The following TCF12 variants were observed in gnomAD, a reference collection of about 807,000 sequenced individuals.
TCF12 encodes transcription factor 12, also known as DNA-binding protein HTF4.
In TCF12, 45 loss-of-function variants were observed where a neutral mutation model predicts 86.0. That is an observed-to-expected ratio of 0.52 (90% CI 0.41 to 0.67). The LOEUF is 0.67. Among genes scored for constraint, TCF12 ranks in the 30% least tolerant of loss-of-function variants. The probability of loss-of-function intolerance (pLI) is 0.00; values close to 1 mark genes in which losing one functional copy is unlikely to be tolerated. For missense variants in TCF12, 881 were observed against 859.9 expected, an observed-to-expected ratio of 1.02 and a Z score of -0.31; for synonymous variants, 330 against 299.6, an observed-to-expected ratio of 1.10 and a Z score of -1.05.
chr15:57,043,239 A>G (rs760024612), intron 3 of TCF12, among the ~76,000 whole-genome samples: 8 of 152,198 alleles, frequency 5.3e-5, no homozygotes, highest in Non-Finnish European at 7.3e-5. Context: ...TCATATTTCA[A>G]TAAACATGGG....
At chr15:57,094,921 A>G (rs1262519789) in intron 5 of TCF12, among the ~76,000 whole-genome samples, 1 of 152,198 alleles carries the variant, frequency 6.6e-6, no homozygotes, top group African/African-American at 2.4e-5. Flanking sequence ...TACTTTAATG[A>G]TTTTGTACAT....
rs2057041826 is a variant in TCF12 at position 57,192,579 on chromosome 15, G to C, written c.526+286G>C. Among the ~76,000 whole-genome samples, 3 of 152,118 alleles carry C rather than the reference G, an allele frequency of 2.0e-5. 1 individual carries two copies. The highest frequency in any genetic ancestry group is 3.4e-3 in the Middle Eastern group (1 of 294). On this transcript the variant is annotated intron_variant, in intron 7 of 20. Coordinates refer to ENST00000333725, the MANE Select transcript of TCF12 (RefSeq NM_207037.2). ...AGTTTTTTATTTTTTGTAGAGACAG[G>C]GTTTTGCCATGTTGTCCAGGCTGCT...
intron 13 of TCF12, among the ~76,000 whole-genome samples, chr15:57,245,955 C>G (rs2059838846): frequency 6.6e-6 from 1 of 151,682 alleles, no homozygotes; most frequent in South Asian, 2.1e-4. Flanking sequence ...CCACCCATAG[C>G]AGGGCAGAGA....
At chr15:57,218,866 G>A (rs1410384509) in intron 8 of TCF12, among the ~76,000 whole-genome samples, 1 of 152,052 alleles carries the variant, frequency 6.6e-6, no homozygotes, top group Non-Finnish European at 1.5e-5. Flanking sequence ...CATAATTTTT[G>A]TAGCTTAAAG....
intron 3 of TCF12, among the ~76,000 whole-genome samples, chr15:57,056,025 C>G (rs927878388): frequency 8.6e-5 from 13 of 151,932 alleles, no homozygotes; most frequent in Non-Finnish European, 1.6e-4. Context: ...GATCTCTCAT[C>G]ACGTTCACTT....
At chr15:57,135,447 G>A (rs1355409110) in intron 5 of TCF12, among the ~76,000 whole-genome samples, 1 of 152,082 alleles carries the variant, frequency 6.6e-6, no homozygotes, top group African/African-American at 2.4e-5. Context: ...TACTGCTTTT[G>A]TCTTTACGGT....
intron 3 of TCF12, among the ~76,000 whole-genome samples, chr15:56,955,870 C>T (rs1304204998): frequency 1.3e-5 from 2 of 152,030 alleles, no homozygotes; most frequent in Admixed American, 1.3e-4. Flanking sequence ...TTGTATTTAT[C>T]CTTGCAGTTT....
intron 3 of TCF12, among the ~76,000 whole-genome samples, chr15:56,965,740 G>A (rs971881616): frequency 1.3e-5 from 2 of 151,940 alleles, no homozygotes; most frequent in African/African-American, 2.4e-5. Flanking sequence ...AAAACTTTAG[G>A]GATATTCCCC....
chr15:57,284,279 C>T (rs1177781075), intron 20 of TCF12, among the ~76,000 whole-genome samples: 1 of 152,110 alleles, frequency 6.6e-6, no homozygotes, highest in South Asian at 2.1e-4. Context: ...ATCATCTCGG[C>T]TCACTCCAAC....
At chr15:57,106,069 G>T (rs981084989) in intron 5 of TCF12, among the ~76,000 whole-genome samples, 4 of 152,174 alleles carry the variant, frequency 2.6e-5, no homozygotes, top group Non-Finnish European at 4.4e-5. Flanking sequence ...ACAGCCTTCA[G>T]AGTCATATCC....
intron 3 of TCF12, among the ~76,000 whole-genome samples, chr15:56,956,414 A>G (rs1347319792): frequency 5.3e-5 from 8 of 151,774 alleles, no homozygotes; most frequent in Admixed American, 2.0e-4. Flanking sequence ...TTCAGTTTCA[A>G]TTTTTATCAG....
At chr15:57,151,172 G>T (rs1187367025) in intron 5 of TCF12, among the ~76,000 whole-genome samples, 7 of 146,680 alleles carry the variant, frequency 4.8e-5, no homozygotes, top group African/African-American at 1.8e-4. Flanking sequence ...TTAGAGACAG[G>T]GTCTTACTAT....
intron 8 of TCF12, among the ~76,000 whole-genome samples, chr15:57,225,130 T>C (rs2058806704): frequency 1.3e-5 from 2 of 152,064 alleles, no homozygotes; most frequent in South Asian, 4.1e-4. Flanking sequence ...ATTACGTTGT[T>C]TAAATTTTGA....
At chr15:57,241,790 C>T (rs893263635) in intron 12 of TCF12, among the ~76,000 whole-genome samples, 3 of 152,052 alleles carry the variant, frequency 2.0e-5, no homozygotes, top group African/African-American at 7.2e-5. Context: ...GTCAGGAGTT[C>T]AAGACCAGCC....
chr15:56,986,962 T>A (rs1463020573), intron 3 of TCF12, among the ~76,000 whole-genome samples: 1 of 152,218 alleles, frequency 6.6e-6, no homozygotes, highest in Non-Finnish European at 1.5e-5. Context: ...TTATTGAAGA[T>A]CTTTGGCTGT....
At position 57,136,958 on chromosome 15, in the gene TCF12, G is replaced by GTTTTTTTTTTTTTT. The variant is rs869113042; in HGVS notation, c.326-29433_326-29432insTTTTTTTTTTTTTT. Among the ~76,000 whole-genome samples, 36 of 83,044 alleles carry GTTTTTTTTTTTTTT rather than the reference G, an allele frequency of 4.3e-4. 15 individuals are homozygous for GTTTTTTTTTTTTTT. The highest frequency in any genetic ancestry group is 9.6e-4 in the African/African-American group (20 of 20,800). The allele number at this position is 83,044 out of a possible 152,430, so 54.5% of individuals were successfully genotyped here. A position where few individuals can be genotyped will look rare whatever the true frequency, so the allele number is the denominator to read the frequency against. Reference sequence around the variant, plus strand: ...TAGACAATAGCCACTGCTTCTGGCAGTTTTTTTTTTTGTTTTTTTTTTTTT... The same window carrying GTTTTTTTTTTTTTT: ...TAGACAATAGCCACTGCTTCTGGCAGTTTTTTTTTTTTTTTTTTTTTTTTTGTTTTTTTTTTTTT... On this transcript the variant is annotated intron_variant, in intron 5 of 20. Coordinates refer to ENST00000333725, the MANE Select transcript of TCF12 (RefSeq NM_207037.2).
intron 3 of TCF12, among the ~76,000 whole-genome samples, chr15:56,990,151 C>CTTCTT (rs2063372847): frequency 1.1e-5 from 1 of 92,724 alleles, no homozygotes; most frequent in Non-Finnish European, 2.2e-5. Context: ...ATAGTCTTGT[C>CTTCTT]TTTTTTTTTT....
rs1015087810 is a variant in TCF12 at position 57,257,843 on chromosome 15, A to G, written c.1468-4251A>G. Among the ~76,000 whole-genome samples, 13 of 152,250 alleles carry G rather than the reference A, an allele frequency of 8.5e-5. No individual in the cohort carries two copies. The East Asian group carries it at 9.7e-4, about 11-fold the overall frequency. On this transcript the variant is annotated intron_variant, in intron 16 of 20. Coordinates refer to ENST00000333725, the MANE Select transcript of TCF12 (RefSeq NM_207037.2). ...TCTCATTAGTATTTGATACTGATAT[A>G]TCATTTAAATTTTAAAGCGCGAAAT...
At chr15:57,276,809 T>C (rs1256218025) in intron 19 of TCF12, among the ~76,000 whole-genome samples, 15 of 10,126 alleles carry the variant, frequency 1.5e-3, no homozygotes, top group South Asian at 4.3e-3. Context: ...TTTTTTTTCC[T>C]TTTTTTTTTT....
Sources: gnomAD v4.1 joint callset for allele counts (sites outside exome capture counted in the v4.1 genomes callset) on GRCh38, gnomAD v4.1.1 for gene constraint, MANE v1.5 for transcripts, NCBI Gene and HGNC (gene_info 2026-07-23, HGNC 2026-07-21) for gene names.